CHD1L: variants seen among roughly 807,000 people sequenced by gnomAD.
CHD1L encodes the protein ATP-dependent chromatin remodeler CHD1L.
A neutral mutation model predicts 115.9 loss-of-function variants in CHD1L; 118 were observed. The ratio of observed to expected loss-of-function variants is 1.02; its 90% confidence interval spans 0.88 to 1.19. The LOEUF is 1.19. Ranked by LOEUF, CHD1L falls within the 50% of genes most tolerant of loss-of-function variation. The pLI is 0.00. For missense variants in CHD1L, 1,179 were observed against 1,065.3 expected (o/e 1.11, Z -1.49); for synonymous variants, 411 against 387.1 (o/e 1.06, Z -0.72).
chr1:147,255,896 C>T lies in CHD1L; in HGVS notation c.431C>T (p.Ser144Leu). 1 of 1,613,702 alleles carries T rather than the reference C, an allele frequency of 6.2e-7. No homozygotes were observed. The highest frequency in any genetic ancestry group is 8.5e-7 in the Non-Finnish European group (1 of 1,179,754). The change falls in exon 4 of 23, where the codon TCA becomes TTA. Residue 144 changes from serine to leucine, a missense_variant. Ser to Leu is a moderately radical substitution (Grantham distance 145). Transcript: ENST00000369258. ...CTTCAGCAAGACCTGAAACAGGAGT[C>T]ACGTTTTCATGTGCTACTGACTACC... ...ACLQQDLKQE[S>L]RFHVLLTTYE...
upstream of CHD1L, among the ~76,000 whole-genome samples, chr1:147,240,493 C>G (rs781902691): frequency 5.3e-5 from 8 of 152,244 alleles, no homozygotes; most frequent in Non-Finnish European, 8.8e-5. Context: ...AAGACCTGAC[C>G]GTCCCCCAGC....
At chr1:147,275,951 C>T (rs1352850375) in intron 13 of CHD1L, among the ~76,000 whole-genome samples, 153 bp from the exon 14 acceptor site, 1 of 152,194 alleles carries the variant, frequency 6.6e-6, no homozygotes, top group Non-Finnish European at 1.5e-5. Context: ...TTCTCTCTAA[C>T]AAGTGCTCAG....
the CHD1L span, among the ~76,000 whole-genome samples, chr1:147,202,468 T>G: frequency 6.6e-6 from 1 of 151,908 alleles, no homozygotes. Context: ...TACAGGCACC[T>G]GCCACCATGC....
rs35351060 is a variant in CHD1L at position 147,272,903 on chromosome 1, GAA to G, written c.1270+636_1270+637del. 5.0e-5 allele frequency among the ~76,000 whole-genome samples: 7 copies of G among 141,410 alleles called. No individual in the cohort carries two copies. The East Asian group carries it at 8.2e-4, about 16-fold the overall frequency. The allele number at this position is 141,410 out of a possible 152,430, so 92.8% of individuals were successfully genotyped here. ...ATTCTCTAAGTCATTGTGGTGTCTG[GAA>G]AAAAAAAAAAAAAGGCCGGCACGGT... On this transcript the variant is annotated intron_variant, in intron 12 of 22. Coordinates refer to ENST00000369258, the MANE Select transcript of CHD1L (RefSeq NM_004284.6).
the CHD1L span, chr1:147,187,082 G>A: frequency 1.5e-5 from 24 of 1,613,958 alleles, no homozygotes; most frequent in Admixed American, 3.3e-5. Context: ...CCCTGTACAC[G>A]ATAGTGGATT....
the CHD1L span, among the ~76,000 whole-genome samples, chr1:147,234,421 CA>C: frequency 6.6e-6 from 1 of 152,150 alleles, no homozygotes; most frequent in African/African-American, 2.4e-5. Flanking sequence ...AGAGAAAGTG[CA>C]TATCTAAAAA....
chr1:147,261,271 C>A (rs77807327), intron 6 of CHD1L, among the ~76,000 whole-genome samples: 1 of 152,258 alleles, frequency 6.6e-6, no homozygotes, highest in East Asian at 1.9e-4. Flanking sequence ...TATCACCGTT[C>A]TAGAGGCTGG....
At chr1:147,275,749 A>G (rs1341653751) in intron 13 of CHD1L, among the ~76,000 whole-genome samples, 2 of 151,132 alleles carry the variant, frequency 1.3e-5, no homozygotes, top group Non-Finnish European at 2.9e-5. Context: ...TGACTCAGTT[A>G]AAAAATGGGG....
chr1:147,211,770 C>A, the CHD1L span, among the ~76,000 whole-genome samples: 1 of 152,140 alleles, frequency 6.6e-6, no homozygotes, highest in Non-Finnish European at 1.5e-5. Flanking sequence ...AAACAAAAAG[C>A]CAAGGAGATA....
the CHD1L span, chr1:147,203,996 A>G: frequency 4.7e-5 from 55 of 1,161,378 alleles, no homozygotes; most frequent in African/African-American, 6.8e-4. Flanking sequence ...GTTTAGCTTC[A>G]CTAACATCAT....
chr1:147,271,053 C>G, intron 11 of CHD1L, 48 bp downstream of exon 11: 1 of 1,424,506 alleles, frequency 7.0e-7, no homozygotes, highest in Non-Finnish European at 9.9e-7. Flanking sequence ...TTAGACTTAA[C>G]AGTCCAGATA....
Position 147,242,848 on chromosome 1 carries a change from G to A in CHD1L, c.127+18G>A. 7.9e-7 allele frequency: 1 copy of A among 1,271,276 alleles called. No individual in the cohort carries two copies. The highest frequency in any genetic ancestry group is 1.0e-6 in the Non-Finnish European group (1 of 1,002,096). 78.7% of individuals were successfully genotyped at this position (1,271,276 alleles called of 1,614,324 possible). A position where few individuals can be genotyped will look rare whatever the true frequency, so the allele number is the denominator to read the frequency against. Reference sequence around the variant, plus strand: ...GCTGACAGGTGAGCGGGCTCCGGGCGGACTTCGGCCAGGCGGGCCAACCTA... The same window carrying A: ...GCTGACAGGTGAGCGGGCTCCGGGCAGACTTCGGCCAGGCGGGCCAACCTA... On this transcript the variant is annotated intron_variant, in intron 1 of 22. Coordinates refer to ENST00000369258, the MANE Select transcript of CHD1L (RefSeq NM_004284.6).
intron 5 of CHD1L, chr1:147,259,404 C>G (rs1385270183): frequency 1.3e-5 from 2 of 152,718 alleles, no homozygotes; most frequent in African/African-American, 4.8e-5. Flanking sequence ...GTTTGAACAT[C>G]AGCTCTGTCT....
the CHD1L span, among the ~76,000 whole-genome samples, chr1:147,235,030 A>G: frequency 6.6e-6 from 1 of 152,084 alleles, no homozygotes; most frequent in Non-Finnish European, 1.5e-5. Context: ...ATAGTTAGGA[A>G]CAGTAATACA....
At chr1:147,199,757 G>T in the CHD1L span, among the ~76,000 whole-genome samples, 3 of 152,172 alleles carry the variant, frequency 2.0e-5, no homozygotes, top group African/African-American at 7.2e-5. Flanking sequence ...TACATAATCT[G>T]CTGGATAGGA....
chr1:147,286,163 A>G, intron 17 of CHD1L, 135 bp from the exon 18 acceptor site: 1 of 825,272 alleles, frequency 1.2e-6, no homozygotes. Flanking sequence ...AAATAAGTAG[A>G]AAACTTCAAT....
intron 9 of CHD1L, among the ~76,000 whole-genome samples, chr1:147,268,307 C>G (rs192530056): frequency 2.0e-5 from 3 of 152,244 alleles, no homozygotes; most frequent in Admixed American, 2.0e-4. Context: ...GCCATGGAGA[C>G]TCTAGATAGG....
intron 11 of CHD1L, among the ~76,000 whole-genome samples, chr1:147,271,497 G>C (rs1226586007): frequency 6.6e-6 from 1 of 152,186 alleles, no homozygotes; most frequent in Non-Finnish European, 1.5e-5. Context: ...TATGTAATAA[G>C]ATTTGTGTGA....
chr1:147,281,928 TGG>T (rs1681046157), intron 15 of CHD1L, among the ~76,000 whole-genome samples: 1 of 152,204 alleles, frequency 6.6e-6, no homozygotes. Flanking sequence ...TCACTTCATA[TGG>T]TTATATATTT....
Sources: gnomAD v4.1 joint callset for allele counts (sites outside exome capture counted in the v4.1 genomes callset) on GRCh38, gnomAD v4.1.1 for gene constraint, MANE v1.5 for transcripts, NCBI Gene and HGNC (gene_info 2026-07-23, HGNC 2026-07-21) for gene names.